Variants in BEND5 observed in about 807,000 individuals in gnomAD.
BEND5 encodes BEN domain-containing protein 5.
Under a neutral mutation model 43.9 loss-of-function variants are expected in BEND5, and 22 were observed. The ratio of observed to expected loss-of-function variants is 0.50; its 90% CI spans 0.36 to 0.72. The LOEUF is 0.72. Ranked by LOEUF, BEND5 falls within the 30% of genes least tolerant of loss-of-function variation. The pLI, the probability that BEND5 is intolerant of heterozygous loss-of-function variation, is 0.00. For synonymous variants in BEND5, 228 were observed against 225.9 expected (o/e 1.01, Z -0.08); for missense variants, 428 against 550.6 (o/e 0.78, Z 2.23).
At chr1:48,740,814 A>G (rs115659392) in intron 4 of BEND5, among the ~76,000 whole-genome samples, 5 of 152,300 alleles carry the variant, frequency 3.3e-5, no homozygotes, top group Non-Finnish European at 7.4e-5. Context: ...TGGGATGTGG[A>G]GATGCTGTTC....
chr1:48,727,801 GT>G lies in BEND5; in HGVS notation c.*84del. ...CCCTGCACACACACCACCATGCACG[GT>G]GGGGTCTGATTTGGACGGCACCATC... On this transcript the variant is annotated 3_prime_UTR_variant, in exon 6 of 6. Transcript: ENST00000371833. The G allele has an allele frequency of 7.5e-7, 1 of 1,340,244 alleles. No homozygotes were observed. The highest frequency in any genetic ancestry group is 1.3e-5 in the South Asian group (1 of 74,418). The allele number at this position is 1,340,244 out of a possible 1,614,324, so 83.0% of individuals were successfully genotyped here. A position where few individuals can be genotyped will look rare whatever the true frequency, so the allele number is the denominator to read the frequency against.
chr1:48,771,548 C>T (rs868818470), intron 1 of BEND5, among the ~76,000 whole-genome samples: 2 of 152,116 alleles, frequency 1.3e-5, no homozygotes, highest in African/African-American at 4.8e-5. Context: ...CAGTAGAATC[C>T]GCAACAGATG....
chr1:48,739,207 G>A (rs1649532455), intron 4 of BEND5, among the ~76,000 whole-genome samples: 3 of 152,204 alleles, frequency 2.0e-5, no homozygotes, highest in Non-Finnish European at 4.4e-5. Context: ...CCACCGACTG[G>A]CCTTTGCCTC....
Position 48,736,333 on chromosome 1 carries a change from C to T in BEND5, c.1014G>A (p.Leu338=), listed in dbSNP as rs775711008. Residue 338 remains leucine (L), a synonymous_variant, in exon 5 of 6, where the codon CTG becomes CTA. Coordinates refer to ENST00000371833, the MANE Select transcript of BEND5 (RefSeq NM_024603.4). The surrounding 1 kb of genome is among the most constrained non-coding windows in gnomAD (Gnocchi z 4.0). ...CGACGCCTGTGACGCTTCTGTTTTT[C>T]AGAACATCTGTTCCCCAAATCATAA... The part of the protein sequence containing the change: ...LAVMIWGTDV[L]KNRSVTGVAT... The T allele has an allele frequency of 1.9e-6, 3 of 1,614,040 alleles. No homozygotes were observed. Among genetic ancestry groups the T allele is most frequent in the Non-Finnish European group, 2.5e-6 (3 of 1,180,026 alleles).
intron 5 of BEND5, among the ~76,000 whole-genome samples, chr1:48,735,293 G>A (rs901873137): frequency 5.3e-5 from 8 of 152,080 alleles, no homozygotes; most frequent in African/African-American, 1.9e-4. Context: ...TCTTCCCTGT[G>A]AGAATATGAA....
chr1:48,776,553 G>A (rs1386025094), intron 1 of BEND5, 53 bp downstream of exon 1: 4 of 680,178 alleles, frequency 5.9e-6, no homozygotes, highest in South Asian at 2.3e-5. Context: ...GGCCCCTCCC[G>A]GGGTCCCAGC....
intron 1 of BEND5, among the ~76,000 whole-genome samples, chr1:48,771,598 G>A (rs1193391231): frequency 6.6e-6 from 1 of 152,166 alleles, no homozygotes; most frequent in African/African-American, 2.4e-5. Context: ...ATGTATATCA[G>A]CAAAACATGT....
intron 5 of BEND5, among the ~76,000 whole-genome samples, chr1:48,729,845 C>T (rs1462550454): frequency 1.3e-5 from 2 of 151,936 alleles, no homozygotes; most frequent in African/African-American, 2.4e-5. Context: ...CTGACTATTC[C>T]CAAGCCTGAC....
At chr1:48,737,646 T>C (rs1238708289) in intron 4 of BEND5, among the ~76,000 whole-genome samples, 1 of 152,216 alleles carries the variant, frequency 6.6e-6, no homozygotes, top group Non-Finnish European at 1.5e-5. Context: ...TGAGTTTCAG[T>C]GCAGAGCCAA....
chr1:48,729,993 A>C (rs918945322), intron 5 of BEND5, among the ~76,000 whole-genome samples: 1 of 152,014 alleles, frequency 6.6e-6, no homozygotes, highest in African/African-American at 2.4e-5. Context: ...GACCTTGCTC[A>C]TCTCTGCTTA....
chr1:48,763,679 T>C lies in BEND5; in HGVS notation c.227-2209A>G, dbSNP rs552290668. Among the ~76,000 whole-genome samples the C allele has an allele frequency of 1.8e-4, 28 of 152,316 alleles. No homozygotes were observed. In the South Asian group the frequency reaches 5.8e-3, roughly 32 times the overall value. ...TATGCCTTCCTGCGCTGAAACTCTG[T>C]AGCTCAGGATCATGTTAGTGTGGAG... On this transcript the variant is annotated intron_variant, in intron 1 of 5. Transcript: ENST00000371833.
intron 5 of BEND5, among the ~76,000 whole-genome samples, chr1:48,731,446 C>A (rs560998309): frequency 3.3e-5 from 5 of 152,142 alleles, no homozygotes; most frequent in Non-Finnish European, 7.3e-5. Context: ...AAGGGTTAGA[C>A]AAGTCTCCTA....
At chr1:48,763,839 A>G (rs145145466) in intron 1 of BEND5, among the ~76,000 whole-genome samples, 27 of 152,334 alleles carry the variant, frequency 1.8e-4, no homozygotes, top group African/African-American at 5.5e-4. Flanking sequence ...GCATCCATCC[A>G]TGCAACTCTC....
At chr1:48,764,824 C>T (rs1174584236) in intron 1 of BEND5, among the ~76,000 whole-genome samples, 1 of 152,190 alleles carries the variant, frequency 6.6e-6, no homozygotes, top group East Asian at 1.9e-4. Flanking sequence ...AATAGAGCCC[C>T]GTGCAGACAA....
intron 3 of BEND5, among the ~76,000 whole-genome samples, chr1:48,755,598 G>A (rs980372945): frequency 1.2e-4 from 19 of 152,332 alleles, no homozygotes; most frequent in African/African-American, 4.6e-4. Flanking sequence ...GAAGCCGAGA[G>A]TCAAACAAGG....
chr1:48,749,569 A>G (rs1024782832), intron 3 of BEND5, among the ~76,000 whole-genome samples: 2 of 152,138 alleles, frequency 1.3e-5, no homozygotes, highest in African/African-American at 4.8e-5. Flanking sequence ...AATGAACTGT[A>G]CTTTCCAGAG....
At chr1:48,741,428 A>T (rs1032508179) in intron 4 of BEND5, among the ~76,000 whole-genome samples, 11 of 152,196 alleles carry the variant, frequency 7.2e-5, no homozygotes, top group African/African-American at 2.7e-4. Flanking sequence ...CCAACTTGTC[A>T]TGCCACCTCT....
intron 5 of BEND5, 83 bp from the exon 6 acceptor site, chr1:48,728,126 C>T: frequency 3.1e-6 from 4 of 1,274,602 alleles, no homozygotes; most frequent in Non-Finnish European, 4.3e-6. Context: ...GAAAATGTAC[C>T]TCCCAACATA....
chr1:48,734,193 G>A (rs979821177), intron 5 of BEND5, among the ~76,000 whole-genome samples: 2 of 152,148 alleles, frequency 1.3e-5, no homozygotes, highest in Non-Finnish European at 2.9e-5. Flanking sequence ...CAATTAATCC[G>A]GAGTCAGCCA....
Sources: allele counts gnomAD v4.1 joint callset (sites outside exome capture counted in the v4.1 genomes callset), GRCh38; gene constraint gnomAD v4.1.1; non-coding constraint Gnocchi (gnomAD v3.1); transcripts MANE v1.5; gene names NCBI Gene and HGNC (gene_info 2026-07-23, HGNC 2026-07-21).